NSMCE1: variants seen among roughly 807,000 people sequenced by gnomAD.
NSMCE1 encodes the protein NSE1 component of SMC5/6 complex.
A neutral mutation model predicts 29.6 loss-of-function variants in NSMCE1; 18 were observed. The ratio of observed to expected loss-of-function variants is 0.61; its 90% CI spans 0.42 to 0.90. The LOEUF is 0.90. NSMCE1 is among the 40% of genes least tolerant of loss of function. The pLI, the probability that NSMCE1 is intolerant of heterozygous loss-of-function variation, is 0.00. For missense variants in NSMCE1, 314 were observed against 343.6 expected, an observed-to-expected ratio of 0.91 and a Z score of 0.68; for synonymous variants, 124 against 133.4, an observed-to-expected ratio of 0.93 and a Z score of 0.49.
intron 2 of NSMCE1, among the ~76,000 whole-genome samples, chr16:27,249,099 G>T (rs533552920): frequency 3.3e-5 from 5 of 152,192 alleles, no homozygotes; most frequent in African/African-American, 1.2e-4. Flanking sequence ...CAGAGTGCTG[G>T]GATTACAGGT....
rs372888313 is a variant in NSMCE1, at chr16:27,234,128, G to A, written c.336+60C>T. 1.4e-4 allele frequency: 159 copies of A among 1,106,866 alleles called. 1 individual carries two copies. Among genetic ancestry groups the A allele is most frequent in the East Asian group, 5.9e-4 (25 of 42,522 alleles). The allele number at this position is 1,106,866 out of a possible 1,614,324, so 68.6% of individuals were successfully genotyped here. ...CACTGCAGTTGCCACTGCTAATGAC[G>A]GAGACAGAACTTTCCCATAAGAAGC... On this transcript the variant is annotated intron_variant, in intron 4 of 7. Coordinates refer to ENST00000361439, the MANE Select transcript of NSMCE1 (RefSeq NM_145080.4).
At chr16:27,230,930 C>G (rs1398409338) in intron 5 of NSMCE1, 1 of 152,446 alleles carries the variant, frequency 6.6e-6, no homozygotes, top group African/African-American at 2.4e-5. Context: ...CTATCCACCA[C>G]CGCCCTCTCC....
chr16:27,248,875 C>G (rs6498004), intron 2 of NSMCE1, among the ~76,000 whole-genome samples: 45,579 of 152,014 alleles, frequency 0.3, 7,007 homozygotes, highest in East Asian at 0.42. Flanking sequence ...GTCACCCAAG[C>G]TGAAGTGCAG....
chr16:27,235,412 A>G, intron 2 of NSMCE1, 113 bp from the exon 3 acceptor site: 1 of 1,198,552 alleles, frequency 8.3e-7, no homozygotes, highest in Non-Finnish European at 1.2e-6. Flanking sequence ...AACCCCAGAC[A>G]TGGGTGGAGG....
chr16:27,260,855 T>G (rs2084147812), intron 1 of NSMCE1, among the ~76,000 whole-genome samples: 2 of 59,104 alleles, frequency 3.4e-5, no homozygotes, highest in African/African-American at 9.5e-5. Context: ...TGAGACCCTG[T>G]CTCAAAAAAA....
At chr16:27,241,599 A>G (rs770113894) in intron 2 of NSMCE1, 23 of 175,198 alleles carry the variant, frequency 1.3e-4, no homozygotes, top group Admixed American at 3.0e-4. Context: ...CGCCTGGGGA[A>G]AAAGATTCTC....
chr16:27,231,026 C>T (rs1453724164), intron 5 of NSMCE1, among the ~76,000 whole-genome samples: 1 of 152,222 alleles, frequency 6.6e-6, no homozygotes, highest in Non-Finnish European at 1.5e-5. Context: ...GCAGCATGTG[C>T]TAGGCATGGT....
intron 1 of NSMCE1, among the ~76,000 whole-genome samples, chr16:27,261,166 C>CAAAAAAAAAAAAAAAAAAAAAAAAA: frequency 1.0e-5 from 1 of 98,104 alleles, no homozygotes; most frequent in Non-Finnish European, 2.1e-5. Context: ...GACTCCGTCT[C>CAAAAAAAAAAAAAAAAAAAAAAAAA]AAAAAAAAAA....
intron 2 of NSMCE1, among the ~76,000 whole-genome samples, chr16:27,236,199 G>GC (rs2083822714): frequency 6.6e-6 from 1 of 152,148 alleles, no homozygotes; most frequent in South Asian, 2.1e-4. Context: ...GCCGGGGACA[G>GC]CAGGGCCTTT....
chr16:27,249,691 A>T (rs962714900), intron 2 of NSMCE1, among the ~76,000 whole-genome samples: 6 of 152,214 alleles, frequency 3.9e-5, no homozygotes, highest in Non-Finnish European at 8.8e-5. Context: ...TAAGTCTTGA[A>T]ATCAGGCAGG....
rs955387557 is a variant in NSMCE1 at position 27,248,674 on chromosome 16, G to T, written c.136+8761C>A. Among the ~76,000 whole-genome samples, 30 of 152,070 alleles carry T rather than the reference G, an allele frequency of 2.0e-4. 1 individual carries two copies. Among genetic ancestry groups the T allele is most frequent in the Non-Finnish European group, 2.9e-5 (2 of 67,994 alleles). On this transcript the variant is annotated intron_variant, in intron 2 of 7. Transcript: ENST00000361439. ...TCCACCCACCTCGGCCTCCCAAACT[G>T]CTGGGATTACAGGTGTGAGCCACCA... is the stretch of plus-strand genomic sequence containing the variant.
chr16:27,266,865 A>AT (rs201300433), intron 1 of NSMCE1, among the ~76,000 whole-genome samples: 3 of 151,958 alleles, frequency 2.0e-5, no homozygotes, highest in East Asian at 1.9e-4. Flanking sequence ...TTAGAACTGA[A>AT]TTTTTTTTAA....
intron 2 of NSMCE1, among the ~76,000 whole-genome samples, chr16:27,242,267 T>G (rs1029438506): frequency 6.6e-6 from 1 of 152,186 alleles, no homozygotes; most frequent in African/African-American, 2.4e-5. Context: ...TGTGACAAGG[T>G]AGATTAGCTC....
intron 2 of NSMCE1, among the ~76,000 whole-genome samples, chr16:27,253,980 A>G (rs2084059792): frequency 6.6e-6 from 1 of 152,254 alleles, no homozygotes. Context: ...AAAGCCTAGA[A>G]TAAGAAGTGA....
chr16:27,254,354 A>G (rs555497149), intron 2 of NSMCE1, among the ~76,000 whole-genome samples: 1 of 152,296 alleles, frequency 6.6e-6, no homozygotes, highest in South Asian at 2.1e-4. Context: ...TGAAGAATAA[A>G]TCAATTCCTA....
At chr16:27,226,371 G>GT (rs1414203556) in intron 6 of NSMCE1, 4 of 285,340 alleles carry the variant, frequency 1.4e-5, no homozygotes, top group African/African-American at 8.6e-5. Flanking sequence ...GCAAACCAGT[G>GT]TTAAGACCAC....
rs186730070 is a variant in NSMCE1 at position 27,257,431 on chromosome 16, T to C, written c.136+4A>G. 6.2e-7 allele frequency: 1 copy of C among 1,606,890 alleles called. No individual in the cohort carries two copies. Among genetic ancestry groups the C allele is most frequent in the East Asian group, 2.2e-5 (1 of 44,732 alleles). ...CGCCCTGGGAACAGGGAAACGGTACTCACGGTCATGGACCTTGTAGCAGTG... is the reference window on the plus strand; with the variant it reads ...CGCCCTGGGAACAGGGAAACGGTACCCACGGTCATGGACCTTGTAGCAGTG... On this transcript the variant is annotated splice_donor_region_variant and intron_variant, in intron 2 of 7. Transcript: ENST00000361439.
intron 1 of NSMCE1, chr16:27,268,384 T>G (rs2084252055): frequency 6.6e-6 from 1 of 152,254 alleles, no homozygotes; most frequent in Admixed American, 6.5e-5. Context: ...CCTGTTACAA[T>G]GAAAAGTATC....
At chr16:27,237,668 C>T (rs754360526) in intron 2 of NSMCE1, among the ~76,000 whole-genome samples, 3 of 152,116 alleles carry the variant, frequency 2.0e-5, no homozygotes, top group African/African-American at 7.2e-5. Flanking sequence ...TTTCCACTAA[C>T]GAGGCCCCTC....
Sources: gnomAD v4.1 joint callset for allele counts (sites outside exome capture counted in the v4.1 genomes callset) on GRCh38, gnomAD v4.1.1 for gene constraint, MANE v1.5 for transcripts, NCBI Gene and HGNC (gene_info 2026-07-23, HGNC 2026-07-21) for gene names.